ZXDC: variants seen among roughly 807,000 people sequenced by gnomAD.
The protein encoded by ZXDC is zinc finger protein ZXDC.
Under a neutral mutation model 63.6 loss-of-function variants are expected in ZXDC, and 58 were observed. The ratio of observed to expected loss-of-function variants is 0.91; its 90% CI spans 0.74 to 1.13. ZXDC has a LOEUF of 1.13. ZXDC is among the 50% of genes most tolerant of loss of function. The pLI is 0.00. For missense variants in ZXDC, 1,133 were observed against 1,148.9 expected (o/e 0.99, Z 0.20); for synonymous variants, 561 against 496.1 (o/e 1.13, Z -1.74).
In ZXDC at chr3:126,474,911, C is replaced by T. The variant is rs543226517; in HGVS notation, c.907+48G>A. Reference sequence around the variant, plus strand: ...TGTGGGGCGGACGTGGCACCCCAGACCTGCCTGCAACACCGCGCAGCCCGC... The same window carrying T: ...TGTGGGGCGGACGTGGCACCCCAGATCTGCCTGCAACACCGCGCAGCCCGC... On this transcript the variant is annotated intron_variant, in intron 1 of 9. Coordinates refer to ENST00000389709, the MANE Select transcript of ZXDC (RefSeq NM_025112.5). The T allele has an allele frequency of 9.9e-6, 15 of 1,518,834 alleles. No homozygotes were observed. The South Asian group carries it at 1.8e-4, about 18-fold the overall frequency. 94.1% of individuals were successfully genotyped at this position (1,518,834 alleles called of 1,614,324 possible). A position where few individuals can be genotyped will look rare whatever the true frequency, so the allele number is the denominator to read the frequency against.
intron 9 of ZXDC, 91 bp downstream of exon 9, chr3:126,439,541 G>T: frequency 6.5e-7 from 1 of 1,547,768 alleles, no homozygotes; most frequent in South Asian, 1.2e-5. Context: ...CGGCCTCAGT[G>T]ACCAGCCTGC....
chr3:126,468,019 AG>A (rs1218154279), intron 4 of ZXDC, among the ~76,000 whole-genome samples: 9 of 152,166 alleles, frequency 5.9e-5, no homozygotes, highest in African/African-American at 2.2e-4. Context: ...CATTTCTCCA[AG>A]TGTACTAACT....
At chr3:126,458,099 G>A (rs1934381741) in intron 7 of ZXDC, among the ~76,000 whole-genome samples, 1 of 152,130 alleles carries the variant, frequency 6.6e-6, no homozygotes, top group South Asian at 2.1e-4. Context: ...GATTCCAACA[G>A]ACAGTTACAT....
rs1934760948 is a variant in ZXDC, at chr3:126,466,266, G to T, written c.1330C>A (p.Gln444Lys). Residue 444 changes from glutamine to lysine, a missense_variant, in exon 5 of 10, where the codon CAG (glutamine) becomes AAG (lysine). Physicochemically the swap from Gln to Lys is moderately conservative, Grantham distance 53. Coordinates refer to ENST00000389709, the MANE Select transcript of ZXDC (RefSeq NM_025112.5). ...SLYIHSKKHV[Q>K]DVGAPKSRCP... ...CGGCTTTTCGGAGCACCCACATCCT[G>T]CACGTGTTTCTTAGAGTGAATGTAC... The T allele has an allele frequency of 1.2e-6, 2 of 1,614,194 alleles. No individual in the cohort carries two copies. The highest frequency in any genetic ancestry group is 1.7e-6 in the Non-Finnish European group (2 of 1,180,034).
At chr3:126,460,264 A>G in intron 6 of ZXDC, 2 of 581,770 alleles carry the variant, frequency 3.4e-6, no homozygotes, top group Middle Eastern at 8.8e-4. Context: ...GGAGTCAGAC[A>G]GTACTCAGAG....
intron 4 of ZXDC, among the ~76,000 whole-genome samples, chr3:126,469,934 C>T (rs1158131088): frequency 2.0e-5 from 3 of 152,184 alleles, no homozygotes; most frequent in Non-Finnish European, 4.4e-5. Context: ...TTCTCTCTTC[C>T]AGGTAAGGAA....
In ZXDC at chr3:126,458,695, C is replaced by T. The variant is rs1934405499; in HGVS notation, c.2212+958G>A. ...CTCTTTTTTCTTCAAGATTATCTAC[C>T]AGGTTCAATAAAGGCATCCGCTTTC... is the stretch of plus-strand genomic sequence containing the variant. On this transcript the variant is annotated intron_variant, in intron 7 of 9. Transcript: ENST00000389709. The T allele has an allele frequency of 4.1e-6, 4 of 985,188 alleles. No individual in the cohort carries two copies. In the Admixed American group the frequency reaches 2.5e-4, roughly 61 times the overall value. 61.0% of individuals were successfully genotyped at this position (985,188 alleles called of 1,614,324 possible). A position where few individuals can be genotyped will look rare whatever the true frequency, so the allele number is the denominator to read the frequency against.
At chr3:126,474,569 C>T (rs572597283) in intron 1 of ZXDC, among the ~76,000 whole-genome samples, 13 of 152,320 alleles carry the variant, frequency 8.5e-5, no homozygotes, top group African/African-American at 2.9e-4. Flanking sequence ...CTGAATCTGG[C>T]CACATTCATC....
At chr3:126,439,133 A>G (rs1933574611) in intron 9 of ZXDC, among the ~76,000 whole-genome samples, 1 of 152,244 alleles carries the variant, frequency 6.6e-6, no homozygotes, top group Admixed American at 6.5e-5. Flanking sequence ...TGAATAGCCC[A>G]ATTTGAATGC....
In ZXDC at chr3:126,454,570, G is replaced by C. The variant is rs183784695; in HGVS notation, c.2212+5083C>G. On this transcript the variant is annotated intron_variant, in intron 7 of 9. Transcript: ENST00000389709. ...TCTCCTAGACAACACACAGCGGAGA[G>C]TGTGCTTCCCATGTATTCAATCTTC... The C allele has an allele frequency of 4.1e-6, 4 of 985,294 alleles. No individual in the cohort carries two copies. In the African/African-American group the frequency reaches 7.0e-5, roughly 17 times the overall value. 61.0% of individuals were successfully genotyped at this position (985,294 alleles called of 1,614,324 possible). A position where few individuals can be genotyped will look rare whatever the true frequency, so the allele number is the denominator to read the frequency against.
rs766092025 is a variant in ZXDC at position 126,444,158 on chromosome 3, C to T, written c.2213-2212G>A. ...AGCAGGGCCGGTGCTGCAGCCAGAA[C>T]AGTCGCATTACGCTTGCTTTCTAAT... On this transcript the variant is annotated intron_variant, in intron 7 of 9. Transcript: ENST00000389709. 9.9e-5 allele frequency among the ~76,000 whole-genome samples: 15 copies of T among 152,236 alleles called. 1 individual carries two copies. Among genetic ancestry groups the T allele is most frequent in the South Asian group, 4.1e-4 (2 of 4,836 alleles).
In ZXDC at chr3:126,451,056, T is replaced by C. The variant is rs918606820; in HGVS notation, c.2212+8597A>G. On this transcript the variant is annotated intron_variant, in intron 7 of 9. Coordinates refer to ENST00000389709, the MANE Select transcript of ZXDC (RefSeq NM_025112.5). ...GAAAGGGACTCAAGGCCACTCCTCA[T>C]CACCACCTGAGTCCCTCAGGCCCAC... 2.7e-5 allele frequency: 23 copies of C among 851,684 alleles called. No homozygotes were observed. The African/African-American group carries it at 2.8e-4, about 10-fold the overall frequency. The allele number at this position is 851,684 out of a possible 1,614,324, so 52.8% of individuals were successfully genotyped here. A position where few individuals can be genotyped will look rare whatever the true frequency, so the allele number is the denominator to read the frequency against.
At chr3:126,461,392 G>A in intron 6 of ZXDC, 143 bp downstream of exon 6, 1 of 1,425,800 alleles carries the variant, frequency 7.0e-7, no homozygotes, top group Non-Finnish European at 9.1e-7. Flanking sequence ...ATAAGAACTT[G>A]TCAGTTCCAG....
intron 6 of ZXDC, chr3:126,460,954 A>G: frequency 1.0e-6 from 1 of 982,204 alleles, no homozygotes; most frequent in South Asian, 4.7e-5. Flanking sequence ...TCTCCTAAGA[A>G]TCTTTAAATT....
At chr3:126,459,818 C>A (rs1238651563) in intron 6 of ZXDC, 81 bp from the exon 7 acceptor site, 7 of 1,609,466 alleles carry the variant, frequency 4.3e-6, no homozygotes, top group Non-Finnish European at 5.9e-6. Flanking sequence ...GTGCCATAAG[C>A]CTGCTTCTGG....
intron 9 of ZXDC, among the ~76,000 whole-genome samples, chr3:126,439,416 C>T (rs1337330654): frequency 2.0e-5 from 3 of 152,222 alleles, no homozygotes; most frequent in Admixed American, 1.3e-4. Context: ...ACTTCTCCTG[C>T]TTTGTCTACC....
chr3:126,457,512 T>C, intron 7 of ZXDC: 2 of 985,400 alleles, frequency 2.0e-6, no homozygotes, highest in Non-Finnish European at 2.4e-6. Flanking sequence ...CCTGCTGCAC[T>C]CACACACGGA....
intron 7 of ZXDC, chr3:126,458,973 T>C (rs1483233637): frequency 1.0e-6 from 1 of 979,934 alleles, no homozygotes; most frequent in Non-Finnish European, 1.2e-6. Flanking sequence ...GAGAGCAAGA[T>C]ATAAAATCAT....
At chr3:126,447,718 A>T (rs1052989739) in intron 7 of ZXDC, among the ~76,000 whole-genome samples, 3 of 152,204 alleles carry the variant, frequency 2.0e-5, no homozygotes, top group Non-Finnish European at 4.4e-5. Context: ...GATGTTTTCA[A>T]ATCAGTAGCA....
Sources: allele counts gnomAD v4.1 joint callset (sites outside exome capture counted in the v4.1 genomes callset), GRCh38; gene constraint gnomAD v4.1.1; transcripts MANE v1.5; gene names NCBI Gene and HGNC (gene_info 2026-07-23, HGNC 2026-07-21).